Variants in PALM2AKAP2 observed in about 807,000 individuals in gnomAD.
The protein encoded by PALM2AKAP2 is PALM2 and AKAP2 fusion.
PALM2AKAP2 carries 37 observed loss-of-function variants against 71.5 expected under a neutral mutation model. That is an observed-to-expected ratio of 0.52 (90% CI 0.40 to 0.68). The LOEUF (loss-of-function observed/expected upper bound fraction) is 0.68. Among genes scored for constraint, PALM2AKAP2 ranks in the 30% least tolerant of loss-of-function variants. PALM2AKAP2 has a pLI of 0.00. For synonymous variants in PALM2AKAP2, 468 were observed against 478.8 expected (o/e 0.98, Z 0.29); for missense variants, 1,224 against 1,191.8 (o/e 1.03, Z -0.40).
chr9:109,715,924 T>C (rs1295131876), intron 1 of PALM2AKAP2, among the ~76,000 whole-genome samples: 1 of 152,194 alleles, frequency 6.6e-6, no homozygotes, highest in South Asian at 2.1e-4. Context: ...CCGTGTGATT[T>C]TGAAGTGTTT....
chr9:110,070,522 G>A (rs1349820046), intron 1 of PALM2AKAP2, among the ~76,000 whole-genome samples: 2 of 152,092 alleles, frequency 1.3e-5, no homozygotes, highest in African/African-American at 4.8e-5. Context: ...TCTTTCAGTC[G>A]ATCCTCTCAT....
At chr9:110,075,558 G>T (rs1367047942) in intron 1 of PALM2AKAP2, among the ~76,000 whole-genome samples, 2 of 151,886 alleles carry the variant, frequency 1.3e-5, no homozygotes, top group Non-Finnish European at 2.9e-5. Flanking sequence ...CTCCTAATAT[G>T]TATATTTTAA....
chr9:110,155,366 T>G (rs778408812), intron 2 of PALM2AKAP2, among the ~76,000 whole-genome samples: 2 of 152,206 alleles, frequency 1.3e-5, no homozygotes, highest in African/African-American at 2.4e-5. Context: ...AAATCATAAT[T>G]GTTATACTTG....
exon 2 of PALM2AKAP2, chr9:109,867,511 T>G (rs1217372469): frequency 6.2e-7 from 1 of 1,612,840 alleles, no homozygotes; most frequent in African/African-American, 1.3e-5. Flanking sequence ...AGAGGCAGAC[T>G]GAAATAGAAG....
intron 6 of PALM2AKAP2, among the ~76,000 whole-genome samples, chr9:109,961,231 A>T (rs752422508): frequency 6.6e-6 from 1 of 152,244 alleles, no homozygotes; most frequent in African/African-American, 2.4e-5. Context: ...CACATATATT[A>T]AACTTGCTGT....
At chr9:110,070,319 A>T (rs140659738) in intron 1 of PALM2AKAP2, among the ~76,000 whole-genome samples, 3 of 152,334 alleles carry the variant, frequency 2.0e-5, no homozygotes, top group African/African-American at 7.2e-5. Context: ...AAATTAGGGG[A>T]GAGGGGAGAT....
At chr9:110,052,853 T>C (rs1456699817) in intron 1 of PALM2AKAP2, among the ~76,000 whole-genome samples, 1 of 152,212 alleles carries the variant, frequency 6.6e-6, no homozygotes, top group African/African-American at 2.4e-5. Context: ...ATTATGGAAC[T>C]GTAATTGTGG....
At chr9:109,690,591 G>T (rs1453861976) in intron 1 of PALM2AKAP2, among the ~76,000 whole-genome samples, 1 of 152,150 alleles carries the variant, frequency 6.6e-6, no homozygotes, top group Non-Finnish European at 1.5e-5. Flanking sequence ...ATATGCAATT[G>T]TAATTGATCT....
At chr9:109,986,448 T>C (rs2132219779) in intron 6 of PALM2AKAP2, among the ~76,000 whole-genome samples, 1 of 152,352 alleles carries the variant, frequency 6.6e-6, no homozygotes, top group East Asian at 1.9e-4. Context: ...TTCATGCAGC[T>C]GTTTCATCTA....
At chr9:110,039,179 G>A (rs1564273464) in intron 7 of PALM2AKAP2, among the ~76,000 whole-genome samples, 1 of 152,126 alleles carries the variant, frequency 6.6e-6, no homozygotes, top group East Asian at 1.9e-4. Context: ...AGCCCAGGAA[G>A]TTGAGGCTGC....
chr9:109,965,352 A>G (rs1056434150), intron 6 of PALM2AKAP2, among the ~76,000 whole-genome samples: 2 of 152,240 alleles, frequency 1.3e-5, no homozygotes, highest in African/African-American at 2.4e-5. Flanking sequence ...CCATCCACAG[A>G]TGAATGGATA....
intron 3 of PALM2AKAP2, among the ~76,000 whole-genome samples, chr9:109,891,061 G>T (rs1050092463): frequency 6.6e-6 from 1 of 152,162 alleles, no homozygotes; most frequent in African/African-American, 2.4e-5. Flanking sequence ...CCCTGGCCAG[G>T]GTGCCTGGAG....
At chr9:109,737,998 A>G (rs1450158398) in intron 1 of PALM2AKAP2, among the ~76,000 whole-genome samples, 1 of 152,248 alleles carries the variant, frequency 6.6e-6, no homozygotes, top group South Asian at 2.1e-4. Flanking sequence ...TGAGTCTTCC[A>G]GATGGCAAGA....
intron 3 of PALM2AKAP2, among the ~76,000 whole-genome samples, chr9:109,894,151 A>G (rs1400519538): frequency 6.6e-6 from 1 of 152,162 alleles, no homozygotes; most frequent in Non-Finnish European, 1.5e-5. Context: ...AGCCTGGTCA[A>G]CATGATGAAA....
chr9:109,878,697 AATC>A (rs1312280304), intron 2 of PALM2AKAP2, among the ~76,000 whole-genome samples: 3 of 152,148 alleles, frequency 2.0e-5, no homozygotes, highest in Admixed American at 1.3e-4. Context: ...TAGAATGGTG[AATC>A]AGGACCATTA....
At chr9:110,027,885 G>A (rs532959005) in intron 7 of PALM2AKAP2, among the ~76,000 whole-genome samples, 17 of 152,236 alleles carry the variant, frequency 1.1e-4, no homozygotes, top group East Asian at 1.9e-4. Context: ...TGATGATGAC[G>A]ACATTGAAAG....
chr9:109,738,320 A>G (rs1031631879), intron 1 of PALM2AKAP2, among the ~76,000 whole-genome samples: 3 of 152,232 alleles, frequency 2.0e-5, no homozygotes, highest in African/African-American at 7.2e-5. Context: ...AGCTGCCACC[A>G]GGGGCTTACT....
At chr9:110,154,649 T>C (rs891831376) in intron 2 of PALM2AKAP2, among the ~76,000 whole-genome samples, 1 of 152,202 alleles carries the variant, frequency 6.6e-6, no homozygotes, top group Admixed American at 6.5e-5. Context: ...TACTTATTAT[T>C]GTACTGTTAA....
chr9:110,128,649 T>G (rs1415132523), intron 1 of PALM2AKAP2, among the ~76,000 whole-genome samples: 1 of 152,244 alleles, frequency 6.6e-6, no homozygotes, highest in Non-Finnish European at 1.5e-5. Context: ...TGGTTCACAC[T>G]GTGCATTTAG....
Sources: gnomAD v4.1 joint callset for allele counts (sites outside exome capture counted in the v4.1 genomes callset) on GRCh38, gnomAD v4.1.1 for gene constraint, MANE v1.5 for transcripts, NCBI Gene and HGNC (gene_info 2026-07-23, HGNC 2026-07-21) for gene names.